PCDHA1: variants seen among roughly 807,000 people sequenced by gnomAD.
PCDHA1 encodes protocadherin alpha 1.
A neutral mutation model predicts 61.3 loss-of-function variants in PCDHA1; 42 were observed. The ratio of observed to expected loss-of-function variants is 0.69; its 90% CI spans 0.54 to 0.89. The LOEUF (loss-of-function observed/expected upper bound fraction) is 0.89. Among genes scored for constraint, PCDHA1 ranks in the 40% least tolerant of loss-of-function variants. The pLI is 0.00. For synonymous variants in PCDHA1, 610 were observed against 553.8 expected (o/e 1.10, Z -1.43); for missense variants, 1,256 against 1,235.3 (o/e 1.02, Z -0.25).
chr5:140,788,351 G>A lies in PCDHA1; in HGVS notation c.2061G>A (p.Ala687=), dbSNP rs550777016. ...CTTCGCGGGCGTCGGTGGGTGTCGC[G>A]GGCCCAGAGGCGGCGCTGGTGGATG... ...KASSRASVGV[A]GPEAALVDVN... is the part of the protein sequence containing the mutation. Residue 687 remains alanine, a synonymous_variant, in exon 1 of 4, where the codon GCG becomes GCA. Transcript: ENST00000504120. 5.6e-5 allele frequency: 90 copies of A among 1,613,814 alleles called. No individual in the cohort carries two copies. Among genetic ancestry groups the A allele is most frequent in the Non-Finnish European group, 7.3e-5 (86 of 1,179,956 alleles).
chr5:140,807,931 G>A, intron 1 of PCDHA1: 1 of 1,614,052 alleles, frequency 6.2e-7, no homozygotes, highest in Non-Finnish European at 8.5e-7. Context: ...CCATTTATAA[G>A]GTGAGATTAC....
intron 1 of PCDHA1, chr5:140,877,760 G>C (rs782609531): frequency 6.2e-7 from 1 of 1,614,194 alleles, no homozygotes; most frequent in South Asian, 1.1e-5. Context: ...TCTGCAGAGA[G>C]CCCGCCCAAG....
chr5:140,786,275 G>A lies in PCDHA1; in HGVS notation c.-16G>A, dbSNP rs782762420. The A allele has an allele frequency of 3.2e-6, 5 of 1,584,696 alleles. No individual in the cohort carries two copies. The highest frequency in any genetic ancestry group is 1.8e-5 in the Admixed American group (1 of 56,090). Reference sequence around the variant, plus strand: ...GAAGTAAGAGGAGAGCATAAGAAAGGTGTAGTCCTTTTGCAATGGTGTTTT... The same window carrying A: ...GAAGTAAGAGGAGAGCATAAGAAAGATGTAGTCCTTTTGCAATGGTGTTTT... On this transcript the variant is annotated 5_prime_UTR_variant, in exon 1 of 4. The change creates a new upstream start codon in the 5' untranslated region. Coordinates refer to ENST00000504120, the MANE Select transcript of PCDHA1 (RefSeq NM_018900.4).
chr5:140,787,530 G>T lies in PCDHA1; in HGVS notation c.1240G>T (p.Asp414Tyr). 2 of 1,614,224 alleles carry T rather than the reference G, an allele frequency of 1.2e-6. No homozygotes were observed. The highest frequency in any genetic ancestry group is 8.5e-7 in the Non-Finnish European group (1 of 1,180,036). Reference protein sequence around the residue: ...YYSLVLDSALDRESLSVYELV... With the variant: ...YYSLVLDSALYRESLSVYELV... Reference sequence around the variant, plus strand: ...CTCGTTGGTGTTGGACAGCGCCCTGGATCGCGAGAGCCTGTCGGTCTATGA... The same window carrying T: ...CTCGTTGGTGTTGGACAGCGCCCTGTATCGCGAGAGCCTGTCGGTCTATGA... The change falls in exon 1 of 4, where the codon GAT (aspartate) becomes TAT (tyrosine). Residue 414 changes from aspartate (D) to tyrosine (Y), a missense_variant. Coordinates refer to ENST00000504120, the MANE Select transcript of PCDHA1 (RefSeq NM_018900.4).
intron 1 of PCDHA1, among the ~76,000 whole-genome samples, chr5:140,900,150 C>T (rs265315): frequency 0.046 from 7,055 of 152,208 alleles, 291 homozygotes; most frequent in African/African-American, 0.11. Context: ...TAAGAACATA[C>T]GATATTTGTC....
In PCDHA1 at chr5:140,788,068, AG is replaced by A. The variant is rs782081049; in HGVS notation, c.1780del (p.Val594CysfsTer57). ...RLVGAGHVVA[K>X]VRAVDADSGY... is the part of the protein sequence containing the mutation. Reference sequence around the variant, plus strand: ...GTGGGTGCGGGTCATGTGGTGGCGAAGGTGCGCGCAGTGGACGCCGACTCGG... The same window carrying A: ...GTGGGTGCGGGTCATGTGGTGGCGAAGTGCGCGCAGTGGACGCCGACTCGG... On this transcript the variant is annotated frameshift_variant, in exon 1 of 4. Coordinates refer to ENST00000504120, the MANE Select transcript of PCDHA1 (RefSeq NM_018900.4). LOFTEE classifies it high-confidence loss of function. 6.2e-6 allele frequency: 10 copies of A among 1,613,828 alleles called. 1 individual carries two copies. In the South Asian group the frequency reaches 1.1e-4, roughly 18 times the overall value.
At chr5:140,862,755 C>A in intron 1 of PCDHA1, 1 of 577,344 alleles carries the variant, frequency 1.7e-6, no homozygotes, top group South Asian at 1.4e-5. Context: ...ACGCGGAGAG[C>A]GGCAAGAGGT....
intron 1 of PCDHA1, chr5:140,968,638 A>T: frequency 6.2e-7 from 1 of 1,614,184 alleles, no homozygotes; most frequent in Non-Finnish European, 8.5e-7. Context: ...TTTACCATCT[A>T]GCCCAGACTT....
Position 140,788,121 on chromosome 5 carries a change from C to T in PCDHA1, c.1831C>T (p.Leu611=). ...CTACAACGCGTGGCTGTCCTATGAA[C>T]TGCAGCCGGCAGCAGGCGGCGCGCG... ...SGYNAWLSYE[L]QPAAGGARIP... is the part of the protein sequence containing the mutation. The change falls in exon 1 of 4, where the codon CTG becomes TTG. Residue 611 remains leucine (L), a synonymous_variant. Transcript: ENST00000504120. 3 of 1,613,974 alleles carry T rather than the reference C, an allele frequency of 1.9e-6. No individual in the cohort carries two copies. Among genetic ancestry groups the T allele is most frequent in the East Asian group, 4.5e-5 (2 of 44,860 alleles).
At chr5:140,889,387 C>G (rs1174974313) in intron 1 of PCDHA1, among the ~76,000 whole-genome samples, 1 of 151,966 alleles carries the variant, frequency 6.6e-6, no homozygotes, top group East Asian at 1.9e-4. Context: ...AAGGACCATT[C>G]AGAGTTTAAT....
chr5:140,877,222 T>A lies in PCDHA1; in HGVS notation c.2394+88538T>A, dbSNP rs199811254. On this transcript the variant is annotated intron_variant, in intron 1 of 3. Coordinates refer to ENST00000504120, the MANE Select transcript of PCDHA1 (RefSeq NM_018900.4). ...CGCAGTTAGCGAGTTGGTACCGCGG[T>A]CGGTGGGTGCGGGCCACGTGGTGGC... The A allele has an allele frequency of 2.3e-4, 370 of 1,613,680 alleles. 1 individual carries two copies. The highest frequency in any genetic ancestry group is 3.0e-4 in the Admixed American group (18 of 59,992).
chr5:140,793,132 G>T (rs1039448121), intron 1 of PCDHA1, among the ~76,000 whole-genome samples: 1 of 152,208 alleles, frequency 6.6e-6, no homozygotes, highest in East Asian at 1.9e-4. Context: ...GCACTTTCTG[G>T]TAAGAGTCAT....
rs782457236 is a variant in PCDHA1 at position 140,883,560 on chromosome 5, G to A, written c.2394+94876G>A. 2 of 1,614,184 alleles carry A rather than the reference G, an allele frequency of 1.2e-6. No homozygotes were observed. Among genetic ancestry groups the A allele is most frequent in the Admixed American group, 1.7e-5 (1 of 60,028 alleles). ...CTGGTGGTGACCGCGCGGGACGGGGGCTCGCCTTCGCTGTGGGCCACGGCC... is the reference window on the plus strand; with the variant it reads ...CTGGTGGTGACCGCGCGGGACGGGGACTCGCCTTCGCTGTGGGCCACGGCC... On this transcript the variant is annotated intron_variant, in intron 1 of 3. Coordinates refer to ENST00000504120, the MANE Select transcript of PCDHA1 (RefSeq NM_018900.4).
At chr5:140,803,099 C>T (rs1254134331) in intron 1 of PCDHA1, 3 of 1,613,756 alleles carry the variant, frequency 1.9e-6, no homozygotes, top group African/African-American at 1.3e-5. Context: ...TCAGCACGAC[C>T]CGTGCCCTGG....
In PCDHA1 at chr5:140,919,966, A is replaced by G. The variant is rs1472155046; in HGVS notation, c.2395-58983A>G. Among the ~76,000 whole-genome samples, 3 of 139,590 alleles carry G rather than the reference A, an allele frequency of 2.1e-5. No homozygotes were observed. The East Asian group carries it at 7.1e-4, about 33-fold the overall frequency. The allele number at this position is 139,590 out of a possible 152,430, so 91.6% of individuals were successfully genotyped here. On this transcript the variant is annotated intron_variant, in intron 1 of 3. Transcript: ENST00000504120. ...GTGAAAAGTTTGTTTTGTTTTTTAA[A>G]TAAGAGATAGAAGATGGAAAACAGA...
At chr5:140,871,728 G>A in intron 1 of PCDHA1, 1 of 724,824 alleles carries the variant, frequency 1.4e-6, no homozygotes, top group South Asian at 2.4e-5. Flanking sequence ...CTTAATATTT[G>A]GTTAGCAAAT....
chr5:140,980,058 A>C (rs1554241393), intron 2 of PCDHA1, among the ~76,000 whole-genome samples: 1 of 152,254 alleles, frequency 6.6e-6, no homozygotes, highest in Non-Finnish European at 1.5e-5. Context: ...ATTCAGAAGC[A>C]ATCAGTGAAG....
At position 140,966,988 on chromosome 5, in the gene PCDHA1, G is replaced by C. The variant is rs782004679; in HGVS notation, c.2395-11961G>C. 1.2e-5 allele frequency: 20 copies of C among 1,603,962 alleles called. No homozygotes were observed. The African/African-American group carries it at 2.1e-4, about 17-fold the overall frequency. Reference sequence around the variant, plus strand: ...GGCTTGAGCTGCGGCGCTTGGGGCCGGGTTGCTTGCGCATCAACCATCTGG... The same window carrying C: ...GGCTTGAGCTGCGGCGCTTGGGGCCCGGTTGCTTGCGCATCAACCATCTGG... On this transcript the variant is annotated intron_variant, in intron 1 of 3. Transcript: ENST00000504120.
At chr5:140,887,369 T>C (rs782675531) in intron 1 of PCDHA1, among the ~76,000 whole-genome samples, 1 of 152,200 alleles carries the variant, frequency 6.6e-6, no homozygotes, top group Non-Finnish European at 1.5e-5. Context: ...GTGCTGGGAT[T>C]ACAGGTGTGA....
Sources: allele counts gnomAD v4.1 joint callset (sites outside exome capture counted in the v4.1 genomes callset), GRCh38; gene constraint gnomAD v4.1.1; transcripts MANE v1.5; gene names NCBI Gene and HGNC (gene_info 2026-07-23, HGNC 2026-07-21).